Variants in KYAT3 observed in about 807,000 individuals in gnomAD.
KYAT3 encodes the protein kynurenine--oxoglutarate transaminase 3.
Under a neutral mutation model 59.0 loss-of-function variants are expected in KYAT3, and 50 were observed. That is an observed-to-expected ratio of 0.85 (90% CI 0.68 to 1.07). The LOEUF is 1.07. Among genes scored for constraint, KYAT3 ranks in the 50% least tolerant of loss-of-function variants. KYAT3 has a pLI of 0.00. For missense variants in KYAT3, 497 were observed against 533.3 expected (o/e 0.93, Z 0.67); for synonymous variants, 148 against 177.0 (o/e 0.84, Z 1.30).
downstream of KYAT3, among the ~76,000 whole-genome samples, chr1:88,933,017 T>G (rs1006193353): frequency 6.6e-6 from 1 of 152,134 alleles, no homozygotes; most frequent in Non-Finnish European, 1.5e-5. Flanking sequence ...CTATTCCTTC[T>G]GCTGGGAATG....
intron 10 of KYAT3, among the ~76,000 whole-genome samples, chr1:88,951,541 C>T (rs533352568): frequency 6.6e-6 from 1 of 151,876 alleles, no homozygotes; most frequent in South Asian, 2.1e-4. Context: ...GGTTCTTTTG[C>T]CCTTTTAACT....
At chr1:88,944,032 T>C (rs1343337598) in intron 11 of KYAT3, among the ~76,000 whole-genome samples, 3 of 152,328 alleles carry the variant, frequency 2.0e-5, no homozygotes, top group South Asian at 2.1e-4. Context: ...CCATATATTA[T>C]ACCTTTTTTT....
intron 8 of KYAT3, among the ~76,000 whole-genome samples, 172 bp from the exon 9 acceptor site, chr1:88,955,397 C>G (rs993445877): frequency 1.2e-4 from 18 of 151,804 alleles, no homozygotes; most frequent in Non-Finnish European, 1.0e-4. Flanking sequence ...ATGCAAAACA[C>G]AGACGAAAAG....
intron 2 of KYAT3, chr1:88,981,044 A>C (rs1677062440): frequency 6.6e-6 from 1 of 152,228 alleles, no homozygotes; most frequent in Non-Finnish European, 1.5e-5. Flanking sequence ...TCCTTTGAGA[A>C]CATTACACTA....
At chr1:88,978,291 G>A (rs768217093) in intron 2 of KYAT3, among the ~76,000 whole-genome samples, 1 of 151,820 alleles carries the variant, frequency 6.6e-6, no homozygotes, top group Non-Finnish European at 1.5e-5. Context: ...ATAAAATTGT[G>A]TTGGCTGCTC....
intron 4 of KYAT3, 43 bp from the exon 5 acceptor site, chr1:88,965,021 G>A: frequency 6.7e-7 from 1 of 1,502,814 alleles, no homozygotes; most frequent in African/African-American, 1.4e-5. Flanking sequence ...ATTTAAATAT[G>A]GGACCTACTG....
intron 8 of KYAT3, among the ~76,000 whole-genome samples, chr1:88,958,686 G>A (rs1676021370): frequency 6.6e-6 from 1 of 152,180 alleles, no homozygotes; most frequent in Admixed American, 6.5e-5. Flanking sequence ...AAACTCAAAT[G>A]TGTTTATTTC....
chr1:88,960,707 C>T lies in KYAT3; in HGVS notation c.787+460G>A, dbSNP rs183954457. ...GTTTGGACTACCCCAGCAGACAGTA[C>T]GGCATTCATGAGATAGCCCAGTAGT... is the stretch of plus-strand genomic sequence containing the variant. On this transcript the variant is annotated intron_variant, in intron 8 of 13. Transcript: ENST00000260508. 3.6e-3 allele frequency among the ~76,000 whole-genome samples: 547 copies of T among 152,206 alleles called. 9 individuals are homozygous for T. The highest frequency in any genetic ancestry group is 0.032 in the Admixed American group (496 of 15,294).
In KYAT3 at chr1:88,964,759, C is replaced by G. The variant is rs112266029; in HGVS notation, c.453+70G>C. ...AAAAGAGAAAAGAGTAGAATATAAG[C>G]GAAAGATTCAAAGGTGGGACAAATG... On this transcript the variant is annotated intron_variant, in intron 5 of 13. Coordinates refer to ENST00000260508, the MANE Select transcript of KYAT3 (RefSeq NM_001008661.3). 5 of 1,205,618 alleles carry G rather than the reference C, an allele frequency of 4.1e-6. No individual in the cohort carries two copies. In the South Asian group the frequency reaches 6.8e-5, roughly 16 times the overall value. The allele number at this position is 1,205,618 out of a possible 1,614,324, so 74.7% of individuals were successfully genotyped here.
At position 88,943,345 on chromosome 1, in the gene KYAT3, ATTACC is replaced by A; in HGVS notation, c.1215_1215+4del. The A allele has an allele frequency of 6.8e-7, 1 of 1,471,572 alleles. No individual in the cohort carries two copies. The highest frequency in any genetic ancestry group is 9.4e-7 in the Non-Finnish European group (1 of 1,062,198). 91.2% of individuals were successfully genotyped at this position (1,471,572 alleles called of 1,614,324 possible). A position where few individuals can be genotyped will look rare whatever the true frequency, so the allele number is the denominator to read the frequency against. On this transcript the variant is annotated splice_donor_variant and splice_donor_region_variant and coding_sequence_variant and intron_variant, in exon 12 of 14. Transcript: ENST00000260508. LOFTEE classifies it high-confidence loss of function. ...CAGAATCTTGCAAAGAACAATAAAC[ATTACC>A]TTATGTTTAGTCATCCATTTCACAA...
At chr1:88,987,876 T>C (rs936272505) in intron 2 of KYAT3, among the ~76,000 whole-genome samples, 3 of 152,206 alleles carry the variant, frequency 2.0e-5, no homozygotes, top group Non-Finnish European at 2.9e-5. Context: ...CTGAATCAAG[T>C]TCCTAAAGCA....
At chr1:88,983,573 G>A (rs1341534410) in intron 2 of KYAT3, 2 of 1,614,178 alleles carry the variant, frequency 1.2e-6, no homozygotes, top group East Asian at 2.2e-5. Context: ...TGATGGTTTG[G>A]TGGCTTGTTC....
downstream of KYAT3, among the ~76,000 whole-genome samples, chr1:88,935,480 G>A (rs201846068): frequency 3.5e-4 from 54 of 152,254 alleles, no homozygotes; most frequent in African/African-American, 1.2e-3. Flanking sequence ...AGGTGAAGCC[G>A]ACTTGAATCA....
At chr1:88,961,132 C>T (rs1459573775) in intron 8 of KYAT3, 35 bp downstream of exon 8, 2 of 1,610,104 alleles carry the variant, frequency 1.2e-6, no homozygotes, top group Non-Finnish European at 8.5e-7. Flanking sequence ...TGCCCAAACA[C>T]ATTTAGATAT....
chr1:88,930,929 C>G (rs1346100036), downstream of KYAT3, among the ~76,000 whole-genome samples: 1 of 152,030 alleles, frequency 6.6e-6, no homozygotes, highest in African/African-American at 2.4e-5. Context: ...AAGGCAGGAC[C>G]CTCCATTAGA....
chr1:88,980,369 A>G (rs1399244134), intron 2 of KYAT3: 1 of 152,546 alleles, frequency 6.6e-6, no homozygotes, highest in Non-Finnish European at 1.5e-5. Flanking sequence ...CTCCCTCTGG[A>G]CCAAGCACCC....
At chr1:88,979,499 A>G (rs1676967891) in intron 2 of KYAT3, 1 of 152,250 alleles carries the variant, frequency 6.6e-6, no homozygotes. Flanking sequence ...AAGAACTTTT[A>G]CAACTCAATA....
intron 1 of KYAT3, among the ~76,000 whole-genome samples, chr1:88,990,949 A>G (rs1677758296): frequency 6.6e-6 from 1 of 152,234 alleles, no homozygotes; most frequent in South Asian, 2.1e-4. Flanking sequence ...AATTCTAAAC[A>G]ATATTTTCAT....
chr1:88,936,084 G>T lies in KYAT3; in HGVS notation c.*99C>A. On this transcript the variant is annotated 3_prime_UTR_variant, in exon 14 of 14. Transcript: ENST00000260508. ...AAACAATGGAAATATTTAAATTCCA[G>T]TTGTACTGAAATACCTTTTAACATC... The T allele has an allele frequency of 2.6e-6, 2 of 767,732 alleles. No homozygotes were observed. Among genetic ancestry groups the T allele is most frequent in the Non-Finnish European group, 4.3e-6 (2 of 467,940 alleles). The allele number at this position is 767,732 out of a possible 1,614,324, so 47.6% of individuals were successfully genotyped here.
Sources: allele counts gnomAD v4.1 joint callset (sites outside exome capture counted in the v4.1 genomes callset), GRCh38; gene constraint gnomAD v4.1.1; transcripts MANE v1.5; gene names NCBI Gene and HGNC (gene_info 2026-07-23, HGNC 2026-07-21).